RELN: variants seen among roughly 807,000 people sequenced by gnomAD.
RELN encodes reelin.
Under a neutral mutation model 427.6 loss-of-function variants are expected in RELN, and 108 were observed. The observed-to-expected ratio is 0.25, with a 90% CI of 0.22 to 0.30. The LOEUF (loss-of-function observed/expected upper bound fraction) is 0.30, where lower values mean the gene tolerates loss of function less well. RELN is among the 10% of genes least tolerant of loss of function. The pLI is 1.00. For missense variants in RELN, 3,715 were observed against 4,302.8 expected (o/e 0.86, Z 3.82); for synonymous variants, 1,524 against 1,513.4 (o/e 1.01, Z -0.16).
intron 2 of RELN, among the ~76,000 whole-genome samples, chr7:103,853,910 G>A (rs1793882798): frequency 6.6e-6 from 1 of 152,050 alleles, no homozygotes; most frequent in Non-Finnish European, 1.5e-5. Flanking sequence ...CTGTAGCACA[G>A]TTGGGTGAGT....
chr7:103,472,913 T>TA lies in RELN; in HGVS notation c.10287-6dup. 2 of 1,611,048 alleles carry TA rather than the reference T, an allele frequency of 1.2e-6. No homozygotes were observed. Among genetic ancestry groups the TA allele is most frequent in the Non-Finnish European group, 1.7e-6 (2 of 1,177,242 alleles). ...ATGTAATTTTGTTTGCGAGTGCTGT[T>TA]AAAATCAAACAGGATAGAGGCAGGG... On this transcript the variant is annotated splice_polypyrimidine_tract_variant and splice_region_variant and intron_variant, in intron 64 of 64. Transcript: ENST00000428762.
At chr7:103,879,396 A>G (rs1443612825) in intron 2 of RELN, among the ~76,000 whole-genome samples, 5 of 152,194 alleles carry the variant, frequency 3.3e-5, no homozygotes, top group African/African-American at 4.8e-5. Flanking sequence ...GGGTAGAAAG[A>G]ACATCTCTGT....
chr7:103,898,963 T>C (rs559651707), intron 2 of RELN, among the ~76,000 whole-genome samples: 72 of 152,146 alleles, frequency 4.7e-4, no homozygotes, highest in African/African-American at 1.6e-3. Flanking sequence ...TAAATCAATT[T>C]AGTCATGATG....
At chr7:103,679,018 C>A (rs1469115740) in intron 11 of RELN, among the ~76,000 whole-genome samples, 1 of 152,154 alleles carries the variant, frequency 6.6e-6, no homozygotes, top group African/African-American at 2.4e-5. Context: ...AGCTCTTACC[C>A]TAGATAAACA....
At chr7:103,729,872 T>C (rs1447950221) in intron 6 of RELN, among the ~76,000 whole-genome samples, 1 of 152,100 alleles carries the variant, frequency 6.6e-6, no homozygotes, top group East Asian at 1.9e-4. Context: ...GAATTTCTCA[T>C]GGATTTCCAC....
At chr7:103,509,527 G>T (rs1829326591) in intron 51 of RELN, among the ~76,000 whole-genome samples, 1 of 152,082 alleles carries the variant, frequency 6.6e-6, no homozygotes, top group Admixed American at 6.6e-5. Flanking sequence ...AGATTTAAAT[G>T]TTAAGACCTA....
chr7:103,664,075 A>G (rs1833203546), intron 11 of RELN, among the ~76,000 whole-genome samples: 1 of 152,166 alleles, frequency 6.6e-6, no homozygotes, highest in African/African-American at 2.4e-5. Context: ...AAGGTCAAAG[A>G]CAGCTCCATG....
chr7:103,613,348 A>G (rs1832006122), intron 20 of RELN, among the ~76,000 whole-genome samples: 1 of 152,224 alleles, frequency 6.6e-6, no homozygotes. Context: ...CAAATCACTA[A>G]CTTTCAGTTA....
intron 20 of RELN, among the ~76,000 whole-genome samples, chr7:103,624,481 C>T (rs191645052): frequency 1.0e-3 from 158 of 152,242 alleles, no homozygotes; most frequent in Admixed American, 3.9e-3. Flanking sequence ...GGCTGGAGTG[C>T]GATGGCATGA....
At position 103,581,843 on chromosome 7, in the gene RELN, A is replaced by G. The variant is rs75447905; in HGVS notation, c.4146-6138T>C. Among the ~76,000 whole-genome samples the G allele has an allele frequency of 1.6e-4, 25 of 152,168 alleles. No individual in the cohort carries two copies. In the East Asian group the frequency reaches 4.8e-3, roughly 29 times the overall value. On this transcript the variant is annotated intron_variant, in intron 28 of 64. Transcript: ENST00000428762. ...GAAGACTACATGGAGAGAAAGGTCC[A>G]GCTGACCCAGACTCTTACCAACTCA...
chr7:103,738,428 A>G (rs1225068119), intron 6 of RELN, among the ~76,000 whole-genome samples: 2 of 151,708 alleles, frequency 1.3e-5, no homozygotes, highest in African/African-American at 4.8e-5. Flanking sequence ...TACTGAGGGA[A>G]ATTTACACAC....
chr7:103,727,138 C>T (rs944549012), intron 7 of RELN, among the ~76,000 whole-genome samples: 4 of 152,084 alleles, frequency 2.6e-5, no homozygotes, highest in African/African-American at 9.7e-5. Context: ...CATCTAGGCA[C>T]CCCCTGCCCC....
chr7:103,525,416 C>G (rs527719819), intron 46 of RELN, among the ~76,000 whole-genome samples: 99 of 152,286 alleles, frequency 6.5e-4, no homozygotes, highest in African/African-American at 2.3e-3. Flanking sequence ...TCGTAGACTT[C>G]ATGGACAGCA....
intron 3 of RELN, among the ~76,000 whole-genome samples, chr7:103,809,026 C>A (rs573911530): frequency 6.6e-6 from 1 of 152,000 alleles, no homozygotes; most frequent in African/African-American, 2.4e-5. Flanking sequence ...AAAGGGAACA[C>A]CCCAAACAAG....
intron 1 of RELN, among the ~76,000 whole-genome samples, chr7:103,920,705 C>A (rs1393688992): frequency 6.6e-6 from 1 of 151,546 alleles, no homozygotes; most frequent in Non-Finnish European, 1.5e-5. Context: ...TCCTGGGTAT[C>A]TGTGACTATA....
chr7:103,790,676 GA>G (rs1274676459), intron 3 of RELN, among the ~76,000 whole-genome samples: 1 of 152,012 alleles, frequency 6.6e-6, no homozygotes, highest in Non-Finnish European at 1.5e-5. Context: ...CTTTAAAGAA[GA>G]AAATAGGCAG....
chr7:103,560,086 T>A (rs1424563909), intron 36 of RELN, among the ~76,000 whole-genome samples: 1 of 152,236 alleles, frequency 6.6e-6, no homozygotes, highest in Non-Finnish European at 1.5e-5. Context: ...GCATTTTATA[T>A]TGATATTTAT....
intron 20 of RELN, among the ~76,000 whole-genome samples, chr7:103,623,356 T>A (rs549312123): frequency 6.6e-6 from 1 of 152,354 alleles, no homozygotes; most frequent in African/African-American, 2.4e-5. Flanking sequence ...AGCTTGCTAA[T>A]AAACTATTTA....
chr7:103,907,415 G>GAAAAAAA (rs941182837), intron 2 of RELN, among the ~76,000 whole-genome samples: 2 of 44,078 alleles, frequency 4.5e-5, no homozygotes, highest in Non-Finnish European at 4.2e-5. Flanking sequence ...CAAGGCTCTG[G>GAAAAAAA]AAAAAAAAAA....
Sources: gnomAD v4.1 joint callset for allele counts (sites outside exome capture counted in the v4.1 genomes callset) on GRCh38, gnomAD v4.1.1 for gene constraint, MANE v1.5 for transcripts, NCBI Gene and HGNC (gene_info 2026-07-23, HGNC 2026-07-21) for gene names.